The following EDIL3 variants were observed in gnomAD, a reference collection of about 807,000 sequenced individuals.
The protein encoded by EDIL3 is EGF like and discoidin domains 3, also known as EGF-like repeat and discoidin I-like domain-containing protein 3.
In EDIL3, 37 loss-of-function variants were observed where a neutral mutation model predicts 67.4. The ratio of observed to expected loss-of-function variants is 0.55; its 90% CI spans 0.42 to 0.72. EDIL3 has a LOEUF of 0.72. Ranked by LOEUF, EDIL3 falls within the 30% of genes least tolerant of loss-of-function variation. The pLI is 0.00. For synonymous variants in EDIL3, 195 were observed against 196.3 expected (o/e 0.99, Z 0.05); for missense variants, 527 against 586.3 (o/e 0.90, Z 1.04).
chr5:84,176,427 T>C (rs1748917227), intron 4 of EDIL3, among the ~76,000 whole-genome samples: 1 of 150,548 alleles, frequency 6.6e-6, no homozygotes, highest in Non-Finnish European at 1.5e-5. Context: ...TCAGCCCTCT[T>C]TTCTTGAAAA....
intron 1 of EDIL3, among the ~76,000 whole-genome samples, chr5:84,336,349 T>C (rs1013788070): frequency 1.3e-5 from 2 of 152,204 alleles, no homozygotes; most frequent in Non-Finnish European, 2.9e-5. Flanking sequence ...AAGATACTTA[T>C]GACTTAGGTT....
chr5:84,066,511 G>C lies in EDIL3; in HGVS notation c.747C>G (p.Ala249=). ...SPEYIKSYKI[A]YSNDGKTWAM... ...CCCAAGTCTTTCCATCATTACTGTA[G>C]GCAATTTTGTAGGATTTTATATACT... The change falls in exon 7 of 11, where the codon GCC becomes GCG. Residue 249 remains alanine (A), a synonymous_variant. Transcript: ENST00000296591. 1.2e-6 allele frequency: 2 copies of C among 1,613,228 alleles called. No homozygotes were observed. Among genetic ancestry groups the C allele is most frequent in the East Asian group, 2.2e-5 (1 of 44,758 alleles).
At chr5:84,018,816 A>G (rs1431319442) in intron 9 of EDIL3, among the ~76,000 whole-genome samples, 1 of 152,228 alleles carries the variant, frequency 6.6e-6, no homozygotes, top group East Asian at 1.9e-4. Flanking sequence ...ACTGGCCATC[A>G]GAGAAATGCA....
chr5:84,003,023 TCTGCCA>T (rs1745357875), intron 9 of EDIL3, among the ~76,000 whole-genome samples: 1 of 136,518 alleles, frequency 7.3e-6, no homozygotes, highest in Non-Finnish European at 1.5e-5. Context: ...TGACAGCCCC[TCTGCCA>T]CTGCTGTTGT....
intron 1 of EDIL3, among the ~76,000 whole-genome samples, chr5:84,346,044 T>C (rs1423086613): frequency 1.3e-5 from 2 of 152,092 alleles, no homozygotes; most frequent in Admixed American, 1.3e-4. Context: ...TTATATAAAT[T>C]TCGTTTATTC....
intron 3 of EDIL3, among the ~76,000 whole-genome samples, chr5:84,196,714 T>C (rs1793848737): frequency 6.6e-6 from 1 of 152,022 alleles, no homozygotes; most frequent in African/African-American, 2.4e-5. Flanking sequence ...TCAATATCGA[T>C]CAAAATCTGG....
chr5:84,180,620 C>A, intron 3 of EDIL3, 99 bp from the exon 4 acceptor site: 1 of 1,315,304 alleles, frequency 7.6e-7, no homozygotes. Context: ...AAAAAGTGTT[C>A]TAGATATTAG....
rs558811985 is a variant in EDIL3, at chr5:84,134,255, A to G, written c.469+2986T>C. On this transcript the variant is annotated intron_variant, in intron 5 of 10. Coordinates refer to ENST00000296591, the MANE Select transcript of EDIL3 (RefSeq NM_005711.5). Reference sequence around the variant, plus strand: ...TCTTGCTTTTAATTGTTTAACTTAAATATATTTGAGTTTTTAAAATGTGGT... The same window carrying G: ...TCTTGCTTTTAATTGTTTAACTTAAGTATATTTGAGTTTTTAAAATGTGGT... 3.7e-4 allele frequency among the ~76,000 whole-genome samples: 56 copies of G among 152,324 alleles called. 1 individual carries two copies. The highest frequency in any genetic ancestry group is 7.6e-4 in the Non-Finnish European group (52 of 68,030).
chr5:84,071,086 G>A (rs770611416), intron 6 of EDIL3, among the ~76,000 whole-genome samples: 1 of 152,140 alleles, frequency 6.6e-6, no homozygotes, highest in Non-Finnish European at 1.5e-5. Context: ...CCTGAGTGTT[G>A]TACCCTCTGC....
chr5:84,083,413 A>G (rs964127803), intron 6 of EDIL3, among the ~76,000 whole-genome samples: 3 of 152,152 alleles, frequency 2.0e-5, no homozygotes, highest in Non-Finnish European at 4.4e-5. Context: ...ATGACCACTG[A>G]AGGGCAAAAT....
intron 1 of EDIL3, among the ~76,000 whole-genome samples, chr5:84,350,607 T>C (rs1265818067): frequency 3.9e-5 from 6 of 152,086 alleles, no homozygotes; most frequent in African/African-American, 1.4e-4. Context: ...TTACTAAAAT[T>C]ATAGCATTCT....
At chr5:84,381,487 T>C (rs1748073850) in intron 1 of EDIL3, among the ~76,000 whole-genome samples, 1 of 152,216 alleles carries the variant, frequency 6.6e-6, no homozygotes, top group South Asian at 2.1e-4. Context: ...AGAAACTCCT[T>C]ATTTCTGTAT....
chr5:84,040,704 A>C (rs897524337), intron 9 of EDIL3, among the ~76,000 whole-genome samples: 2 of 152,044 alleles, frequency 1.3e-5, no homozygotes, highest in African/African-American at 4.8e-5. Context: ...ATAAGCTGGA[A>C]TTTTTATCCT....
intron 5 of EDIL3, 60 bp downstream of exon 5, chr5:84,137,181 A>ATG: frequency 2.0e-6 from 2 of 981,768 alleles, no homozygotes; most frequent in Non-Finnish European, 2.9e-6. Flanking sequence ...GTGTGTGTAT[A>ATG]CATACACACA....
At chr5:84,326,049 T>C (rs1231955834) in intron 1 of EDIL3, among the ~76,000 whole-genome samples, 1 of 152,078 alleles carries the variant, frequency 6.6e-6, no homozygotes, top group African/African-American at 2.4e-5. Context: ...GGGCTCTGCC[T>C]GCATGAAATT....
chr5:84,201,816 C>A (rs149463098), intron 3 of EDIL3, among the ~76,000 whole-genome samples: 204 of 152,122 alleles, frequency 1.3e-3, no homozygotes, highest in Non-Finnish European at 1.9e-3. Context: ...GTGAAATAAT[C>A]AGTTACATGC....
At chr5:84,132,388 T>TATATATA (rs1747993541) in intron 5 of EDIL3, among the ~76,000 whole-genome samples, 2 of 44,858 alleles carry the variant, frequency 4.5e-5, no homozygotes, top group South Asian at 1.2e-3. Flanking sequence ...TATAATATAT[T>TATATATA]TTATATATAA....
intron 1 of EDIL3, among the ~76,000 whole-genome samples, chr5:84,275,706 A>G (rs537694267): frequency 6.6e-6 from 1 of 152,330 alleles, no homozygotes; most frequent in African/African-American, 2.4e-5. Flanking sequence ...TGCAGCTCAA[A>G]TAAGTGATTA....
intron 9 of EDIL3, among the ~76,000 whole-genome samples, chr5:84,025,081 C>T (rs577725795): frequency 6.6e-6 from 1 of 152,202 alleles, no homozygotes; most frequent in East Asian, 1.9e-4. Flanking sequence ...TGGATTATGT[C>T]CCCACCCTTA....
Sources: allele counts gnomAD v4.1 joint callset (sites outside exome capture counted in the v4.1 genomes callset), GRCh38; gene constraint gnomAD v4.1.1; transcripts MANE v1.5; gene names NCBI Gene and HGNC (gene_info 2026-07-23, HGNC 2026-07-21).